SLC39A8: variants seen among roughly 807,000 people sequenced by gnomAD.
SLC39A8 encodes the protein metal cation symporter ZIP8.
Under a neutral mutation model 40.4 loss-of-function variants are expected in SLC39A8, and 15 were observed. The observed-to-expected ratio is 0.37, with a 90% CI of 0.25 to 0.57. The LOEUF (loss-of-function observed/expected upper bound fraction) is 0.57. SLC39A8 is among the 20% of genes least tolerant of loss of function. SLC39A8 has a pLI of 0.75. For missense variants in SLC39A8, 472 were observed against 558.8 expected (o/e 0.84, Z 1.57); for synonymous variants, 223 against 221.6 (o/e 1.01, Z -0.06).
downstream of SLC39A8, among the ~76,000 whole-genome samples, chr4:102,259,019 C>A (rs780456379): frequency 5.9e-5 from 9 of 152,198 alleles, no homozygotes; most frequent in Non-Finnish European, 1.3e-4. Flanking sequence ...GGGGTAGCAA[C>A]AACTCTCCTC....
chr4:102,274,717 C>T (rs1732536049), intron 6 of SLC39A8, among the ~76,000 whole-genome samples: 1 of 152,126 alleles, frequency 6.6e-6, no homozygotes, highest in African/African-American at 2.4e-5. Context: ...GTCATGTTAC[C>T]TAAAAAGGGA....
chr4:102,334,368 G>A (rs1735585126), intron 2 of SLC39A8, among the ~76,000 whole-genome samples: 1 of 152,138 alleles, frequency 6.6e-6, no homozygotes, highest in Admixed American at 6.6e-5. Flanking sequence ...AGTTTCTGGG[G>A]GAACTGATAT....
Position 102,305,079 on chromosome 4 carries a change from A to G in SLC39A8, c.585T>C (p.Tyr195=), listed in dbSNP as rs758610801. The change falls in exon 5 of 9, where the codon TAT becomes TAC. Residue 195 remains tyrosine, a synonymous_variant. Transcript: ENST00000356736. ...AFGFDPKVDS[Y]VEKAVAVFGG... ...CAAACACAGCAACTGCCTTCTCAAC[A>G]TAACTGTCGACTTTGGGATCAAATC... is the stretch of plus-strand genomic sequence containing the variant. 4 of 1,610,124 alleles carry G rather than the reference A, an allele frequency of 2.5e-6. No homozygotes were observed. Among genetic ancestry groups the G allele is most frequent in the South Asian group, 1.1e-5 (1 of 90,240 alleles).
intron 2 of SLC39A8, 118 bp from the exon 3 acceptor site, chr4:102,315,948 G>A (rs1734637194): frequency 1.3e-6 from 1 of 769,092 alleles, no homozygotes; most frequent in African/African-American, 1.8e-5. Flanking sequence ...TTATACAAAA[G>A]CCCACCACAG....
At chr4:102,269,576 G>A (rs1732253520) in intron 6 of SLC39A8, 1 of 152,098 alleles carries the variant, frequency 6.6e-6, no homozygotes, top group Non-Finnish European at 1.5e-5. Context: ...AATTCTATGA[G>A]GAAAGTACAA....
intron 2 of SLC39A8, among the ~76,000 whole-genome samples, chr4:102,329,242 G>A (rs527495825): frequency 7.2e-5 from 11 of 152,204 alleles, no homozygotes; most frequent in South Asian, 4.1e-4. Flanking sequence ...TGCTTCTGCC[G>A]TAAATACCAG....
At chr4:102,318,316 C>T (rs1002603978) in intron 2 of SLC39A8, among the ~76,000 whole-genome samples, 7 of 152,054 alleles carry the variant, frequency 4.6e-5, no homozygotes, top group South Asian at 2.1e-4. Context: ...CCAATCACCA[C>T]GAAGAACACA....
Position 102,345,397 on chromosome 4 carries a change from C to A in SLC39A8, c.-306G>T, listed in dbSNP as rs1403789821. 6.6e-6 allele frequency: 1 copy of A among 152,510 alleles called. No individual in the cohort carries two copies. Among genetic ancestry groups the A allele is most frequent in the African/African-American group, 2.4e-5 (1 of 41,428 alleles). The allele number at this position is 152,510 out of a possible 1,614,324, so 9.4% of individuals were successfully genotyped here. A position where few individuals can be genotyped will look rare whatever the true frequency, so the allele number is the denominator to read the frequency against. ...CTGCGTCTTTCTCTCTGCGTGTCAACGTAAGACTCGGTCTCTGGATCTCTC... is the reference window on the plus strand; with the variant it reads ...CTGCGTCTTTCTCTCTGCGTGTCAAAGTAAGACTCGGTCTCTGGATCTCTC... On this transcript the variant is annotated 5_prime_UTR_variant, in exon 1 of 9. Transcript: ENST00000356736.
downstream of SLC39A8, chr4:102,259,454 C>T (rs1447991178): frequency 1.9e-6 from 3 of 1,539,258 alleles, no homozygotes; most frequent in Admixed American, 5.9e-5. Context: ...GTTATTCTTA[C>T]CGTATATATC....
chr4:102,272,857 C>G (rs1362819260), intron 6 of SLC39A8, among the ~76,000 whole-genome samples: 1 of 152,066 alleles, frequency 6.6e-6, no homozygotes, highest in East Asian at 1.9e-4. Context: ...GGACCTCCCT[C>G]CTGGAGCCAA....
chr4:102,262,442 T>C lies in SLC39A8; in HGVS notation c.*602A>G. 3.0e-6 allele frequency: 3 copies of C among 985,522 alleles called. No individual in the cohort carries two copies. Among genetic ancestry groups the C allele is most frequent in the Non-Finnish European group, 3.6e-6 (3 of 829,882 alleles). 61.0% of individuals were successfully genotyped at this position (985,522 alleles called of 1,614,324 possible). The stretch of plus-strand genomic sequence containing the variant: ...AAAACTTTATTTATTTCCTAACTCC[T>C]ATTATTTTAGAATGGTTTTCAAAAT... On this transcript the variant is annotated 3_prime_UTR_variant, in exon 9 of 9. Transcript: ENST00000356736.
chr4:102,277,617 A>G (rs1470299630), intron 6 of SLC39A8, among the ~76,000 whole-genome samples: 1 of 152,216 alleles, frequency 6.6e-6, no homozygotes, highest in Non-Finnish European at 1.5e-5. Flanking sequence ...CTTTCTTCAA[A>G]GAATTAGAAA....
At chr4:102,268,824 T>C (rs1732223095) in intron 6 of SLC39A8, among the ~76,000 whole-genome samples, 1 of 152,228 alleles carries the variant, frequency 6.6e-6, no homozygotes, top group Non-Finnish European at 1.5e-5. Flanking sequence ...TGATGGACTC[T>C]TTGTAGGAAT....
chr4:102,330,762 G>A (rs930206726), intron 2 of SLC39A8, among the ~76,000 whole-genome samples: 21 of 152,178 alleles, frequency 1.4e-4, no homozygotes, highest in African/African-American at 4.8e-4. Context: ...GAACATGGAT[G>A]CAAAACTCCT....
At chr4:102,327,641 C>A (rs1250952032) in intron 2 of SLC39A8, among the ~76,000 whole-genome samples, 1 of 152,154 alleles carries the variant, frequency 6.6e-6, no homozygotes, top group African/African-American at 2.4e-5. Flanking sequence ...AATGGATATT[C>A]CTTCAATAAG....
At chr4:102,342,273 G>A (rs1032002073) in intron 2 of SLC39A8, among the ~76,000 whole-genome samples, 4 of 152,186 alleles carry the variant, frequency 2.6e-5, no homozygotes, top group Non-Finnish European at 5.9e-5. Flanking sequence ...GACCGAGGCC[G>A]GCGGATCACC....
chr4:102,302,230 G>C (rs567269266), intron 6 of SLC39A8, among the ~76,000 whole-genome samples: 1 of 152,062 alleles, frequency 6.6e-6, no homozygotes, highest in East Asian at 1.9e-4. Flanking sequence ...ATCAGAGCAA[G>C]AATTCAAGTT....
At chr4:102,261,418 C>T (rs540312291), downstream of SLC39A8, among the ~76,000 whole-genome samples, 28 of 152,176 alleles carry the variant, frequency 1.8e-4, 1 homozygote, top group South Asian at 4.6e-3. Flanking sequence ...TGTGGTAAAG[C>T]GAAACAGTCT....
intron 6 of SLC39A8, among the ~76,000 whole-genome samples, chr4:102,272,702 T>G (rs1486590105): frequency 6.6e-6 from 1 of 152,148 alleles, no homozygotes; most frequent in Non-Finnish European, 1.5e-5. Flanking sequence ...CTGTAGCTCC[T>G]AGCCAGACCA....
Sources: gnomAD v4.1 joint callset for allele counts (sites outside exome capture counted in the v4.1 genomes callset) on GRCh38, gnomAD v4.1.1 for gene constraint, MANE v1.5 for transcripts, NCBI Gene and HGNC (gene_info 2026-07-23, HGNC 2026-07-21) for gene names.